Variants in STK33 observed in about 807,000 individuals in gnomAD.
The protein encoded by STK33 is serine/threonine kinase 33.
In STK33, 52 loss-of-function variants were observed where a neutral mutation model predicts 58.0. That is an observed-to-expected ratio of 0.90 (90% CI 0.72 to 1.13). STK33 has a LOEUF of 1.13. STK33 is among the 50% of genes most tolerant of loss of function. STK33 has a pLI of 0.00. For missense variants in STK33, 630 were observed against 604.2 expected, an observed-to-expected ratio of 1.04 and a Z score of -0.45; for synonymous variants, 215 against 200.1, an observed-to-expected ratio of 1.07 and a Z score of -0.63.
intron 1 of STK33, among the ~76,000 whole-genome samples, chr11:8,539,566 C>T (rs1591694997): frequency 6.6e-6 from 1 of 152,132 alleles, no homozygotes; most frequent in Admixed American, 6.5e-5. Context: ...ATGGAGCACC[C>T]CTAAAATACC....
chr11:8,368,555 G>A, the STK33 span, among the ~76,000 whole-genome samples: 1 of 152,210 alleles, frequency 6.6e-6, no homozygotes, highest in Non-Finnish European at 1.5e-5. Context: ...GAAAGCCATT[G>A]TGAATACTAA....
intron 1 of STK33, among the ~76,000 whole-genome samples, chr11:8,510,213 A>C (rs1042465778): frequency 6.6e-6 from 1 of 152,174 alleles, no homozygotes; most frequent in African/African-American, 2.4e-5. Context: ...GGAGTAAGGT[A>C]TCTCATTGTG....
chr11:8,461,708 T>C (rs1439605631), intron 8 of STK33, 97 bp downstream of exon 8: 3 of 900,262 alleles, frequency 3.3e-6, no homozygotes, highest in Admixed American at 3.3e-5. Context: ...GCCAAGGACA[T>C]GAGCAACTGT....
At chr11:8,490,522 T>C (rs1468072519) in intron 1 of STK33, among the ~76,000 whole-genome samples, 1 of 152,228 alleles carries the variant, frequency 6.6e-6, no homozygotes, top group Non-Finnish European at 1.5e-5. Context: ...CAGAAACTTC[T>C]GCAGACTTAA....
the STK33 span, among the ~76,000 whole-genome samples, chr11:8,383,807 C>G: frequency 6.6e-6 from 1 of 152,176 alleles, no homozygotes; most frequent in Non-Finnish European, 1.5e-5. Context: ...CTGTGTGGAC[C>G]AAGATGGTGC....
At chr11:8,377,492 T>C in the STK33 span, among the ~76,000 whole-genome samples, 1 of 152,204 alleles carries the variant, frequency 6.6e-6, no homozygotes, top group Non-Finnish European at 1.5e-5. Flanking sequence ...AAGCCATGTA[T>C]GACAGACCCA....
At chr11:8,378,788 A>C in the STK33 span, among the ~76,000 whole-genome samples, 2 of 152,202 alleles carry the variant, frequency 1.3e-5, no homozygotes, top group African/African-American at 2.4e-5. Flanking sequence ...AGTTAGAAAA[A>C]AAAAATCCTA....
intron 5 of STK33, among the ~76,000 whole-genome samples, chr11:8,474,004 C>G (rs377076636): frequency 6.6e-6 from 1 of 152,084 alleles, no homozygotes; most frequent in East Asian, 1.9e-4. Context: ...GAAACCCCCT[C>G]TCTACTAAAA....
At chr11:8,568,057 A>C (rs1432382146) in intron 1 of STK33, among the ~76,000 whole-genome samples, 1 of 152,206 alleles carries the variant, frequency 6.6e-6, no homozygotes, top group Non-Finnish European at 1.5e-5. Context: ...AATGTGCATA[A>C]AATTGAAAGA....
Position 8,571,758 on chromosome 11 carries a change from G to A in STK33, c.-466+22325C>T, listed in dbSNP as rs548972961. On this transcript the variant is annotated intron_variant, in intron 1 of 15. Coordinates refer to ENST00000687296, the MANE Select transcript of STK33 (RefSeq NM_001352389.2). Reference sequence around the variant, plus strand: ...TGAGGCAGGAGAATGGTGTGAACCCGGGAGGCGGAGCTTGCAGTGACCCAA... The same window carrying A: ...TGAGGCAGGAGAATGGTGTGAACCCAGGAGGCGGAGCTTGCAGTGACCCAA... Among the ~76,000 whole-genome samples, 948 of 151,286 alleles carry A rather than the reference G, an allele frequency of 6.3e-3. 9 individuals are homozygous for A. The highest frequency in any genetic ancestry group is 0.011 in the Non-Finnish European group (754 of 67,748).
chr11:8,593,316 G>A (rs2032907115), intron 1 of STK33, among the ~76,000 whole-genome samples: 1 of 152,146 alleles, frequency 6.6e-6, no homozygotes, highest in Admixed American at 6.5e-5. Flanking sequence ...TTTTCTGGTT[G>A]GATATTGGAG....
At chr11:8,536,945 C>T (rs1554987771) in intron 1 of STK33, among the ~76,000 whole-genome samples, 3 of 92,482 alleles carry the variant, frequency 3.2e-5, no homozygotes, top group African/African-American at 4.4e-5. Context: ...CCATACCCAG[C>T]TAATTAAAAA....
chr11:8,374,722 G>A, the STK33 span, among the ~76,000 whole-genome samples: 1 of 152,206 alleles, frequency 6.6e-6, no homozygotes, highest in Admixed American at 6.5e-5. Flanking sequence ...TTTGGAGGAG[G>A]GGACACAAAC....
At chr11:8,355,315 C>T in the STK33 span, among the ~76,000 whole-genome samples, 1 of 152,088 alleles carries the variant, frequency 6.6e-6, no homozygotes, top group East Asian at 1.9e-4. Context: ...TACGGCACAC[C>T]TGACTGTTGT....
chr11:8,363,680 T>C, the STK33 span, among the ~76,000 whole-genome samples: 13 of 152,364 alleles, frequency 8.5e-5, no homozygotes, highest in East Asian at 2.1e-3. Flanking sequence ...ACCGTGCGAA[T>C]TGAAATCACA....
chr11:8,440,866 GAA>G (rs1944658394), intron 11 of STK33, 113 bp from the exon 12 acceptor site: 1 of 1,068,134 alleles, frequency 9.4e-7, no homozygotes, highest in African/African-American at 1.6e-5. Flanking sequence ...CCCCCATAGG[GAA>G]AAGAGAACCA....
chr11:8,586,102 A>AGGAG (rs2031549142), intron 1 of STK33, among the ~76,000 whole-genome samples: 3 of 151,886 alleles, frequency 2.0e-5, no homozygotes, highest in African/African-American at 7.3e-5. Context: ...TTGTGCTCCC[A>AGGAG]GCTACTCAGG....
chr11:8,575,581 T>G (rs1215784480), intron 1 of STK33, among the ~76,000 whole-genome samples: 1 of 152,164 alleles, frequency 6.6e-6, no homozygotes, highest in Non-Finnish European at 1.5e-5. Context: ...TTAGAGGTTA[T>G]CAGGGGCTGG....
At chr11:8,398,918 T>G (rs1264355535) in intron 15 of STK33, among the ~76,000 whole-genome samples, 2 of 152,206 alleles carry the variant, frequency 1.3e-5, no homozygotes, top group Non-Finnish European at 2.9e-5. Flanking sequence ...AAGAGCTAAC[T>G]GTCCTAAATA....
Sources: gnomAD v4.1 joint callset for allele counts (sites outside exome capture counted in the v4.1 genomes callset) on GRCh38, gnomAD v4.1.1 for gene constraint, MANE v1.5 for transcripts, NCBI Gene and HGNC (gene_info 2026-07-23, HGNC 2026-07-21) for gene names.